The following AGGF1 variants were observed in gnomAD, a reference collection of about 807,000 sequenced individuals.
AGGF1 encodes angiogenic factor with G patch and FHA domains 1.
AGGF1 carries 56 observed loss-of-function variants against 86.5 expected under a neutral mutation model. The ratio of observed to expected loss-of-function variants is 0.65; its 90% CI spans 0.52 to 0.81. The LOEUF (loss-of-function observed/expected upper bound fraction) is 0.81. Ranked by LOEUF, AGGF1 falls within the 30% of genes least tolerant of loss-of-function variation. The pLI is 0.00. For synonymous variants in AGGF1, 313 were observed against 297.1 expected (o/e 1.05, Z -0.55); for missense variants, 816 against 850.9 (o/e 0.96, Z 0.51).
chr5:77,039,023 C>G (rs1174999642), intron 4 of AGGF1, among the ~76,000 whole-genome samples: 1 of 152,018 alleles, frequency 6.6e-6, no homozygotes, highest in Non-Finnish European at 1.5e-5. Context: ...ATTTTCTTCT[C>G]TAATTTTAAG....
chr5:77,033,779 G>A (rs534156921), intron 1 of AGGF1, among the ~76,000 whole-genome samples: 41 of 152,280 alleles, frequency 2.7e-4, no homozygotes, highest in African/African-American at 9.9e-4. Context: ...TATTGACTGA[G>A]GCAGCGTATT....
chr5:77,030,908 A>C lies in AGGF1; in HGVS notation c.142A>C (p.Lys48Gln). The C allele has an allele frequency of 6.2e-7, 1 of 1,613,394 alleles. No homozygotes were observed. Among genetic ancestry groups the C allele is most frequent in the Non-Finnish European group, 8.5e-7 (1 of 1,179,988 alleles). Residue 48 changes from lysine (K) to glutamine (Q), a missense_variant, in exon 1 of 14, where the codon AAG (lysine) becomes CAG (glutamine). Physicochemically the swap from Lys to Gln is moderately conservative, Grantham distance 53 (BLOSUM62 1). This residue lies in a region of AGGF1 where 240 missense variants were observed against 234.4 expected (regional missense o/e 1.02). Coordinates refer to ENST00000312916, the MANE Select transcript of AGGF1 (RefSeq NM_018046.5). ...SCKRQVREIE[K>Q]LLHHTERLYQ... is the part of the protein sequence containing the mutation. The stretch of plus-strand genomic sequence containing the variant: ...CAAGCGGCAGGTGCGGGAGATCGAG[A>C]AGCTGCTGCATCACACAGAACGGCT...
intron 5 of AGGF1, among the ~76,000 whole-genome samples, chr5:77,041,513 G>T (rs927302297): frequency 2.1e-5 from 3 of 145,786 alleles, no homozygotes; most frequent in Non-Finnish European, 4.5e-5. Context: ...GTTGCAGTGA[G>T]CCAGGATCGC....
chr5:77,051,104 T>A (rs528522113), intron 8 of AGGF1, among the ~76,000 whole-genome samples: 18 of 151,860 alleles, frequency 1.2e-4, no homozygotes, highest in African/African-American at 4.1e-4. Flanking sequence ...AAAAGAAAAT[T>A]TACAGAAGAG....
At chr5:77,032,360 G>A (rs971498859) in intron 1 of AGGF1, among the ~76,000 whole-genome samples, 3 of 150,808 alleles carry the variant, frequency 2.0e-5, no homozygotes, top group South Asian at 2.1e-4. Flanking sequence ...GAGGTCAGAA[G>A]ATCGAGACCA....
In AGGF1 at chr5:77,039,659, A is replaced by G. The variant is rs1747032067; in HGVS notation, c.810A>G (p.Lys270=). 1 of 1,612,566 alleles carries G rather than the reference A, an allele frequency of 6.2e-7. No homozygotes were observed. Among genetic ancestry groups the G allele is most frequent in the Admixed American group, 1.7e-5 (1 of 59,888 alleles). ...CGACTTCTAGCACAAAACAAAGTAAAGATAAAAAATTGAAGAAGAAAAGAA... is the reference window on the plus strand; with the variant it reads ...CGACTTCTAGCACAAAACAAAGTAAGGATAAAAAATTGAAGAAGAAAAGAA... The part of the protein sequence containing the change: ...PYPTSSTKQS[K]DKKLKKKRKD... Residue 270 remains lysine (K), a synonymous_variant, in exon 5 of 14, where the codon AAA becomes AAG. Coordinates refer to ENST00000312916, the MANE Select transcript of AGGF1 (RefSeq NM_018046.5).
chr5:77,039,651 C>A lies in AGGF1; in HGVS notation c.802C>A (p.Gln268Lys). The change falls in exon 5 of 14, where the codon CAA becomes AAA. Residue 268 changes from glutamine (Q) to lysine (K), a missense_variant. By Grantham distance (53) the Gln-to-Lys change is moderately conservative. Coordinates refer to ENST00000312916, the MANE Select transcript of AGGF1 (RefSeq NM_018046.5). ...LQPYPTSSTKQSKDKKLKKKR... is the reference protein window; with the variant it reads ...LQPYPTSSTKKSKDKKLKKKR... ...ACCTTATCCGACTTCTAGCACAAAA[C>A]AAAGTAAAGATAAAAAATTGAAGAA... is the stretch of plus-strand genomic sequence containing the variant. 6.2e-7 allele frequency: 1 copy of A among 1,611,990 alleles called. No homozygotes were observed. The highest frequency in any genetic ancestry group is 8.5e-7 in the Non-Finnish European group (1 of 1,179,280).
At position 77,039,602 on chromosome 5, in the gene AGGF1, GT is replaced by G; in HGVS notation, c.756del (p.His253IlefsTer4). 6.2e-7 allele frequency: 1 copy of G among 1,613,170 alleles called. No homozygotes were observed. The highest frequency in any genetic ancestry group is 8.5e-7 in the Non-Finnish European group (1 of 1,179,518). ...GTGATGTGGAAAGTGGTCGTTATCA[GT>G]TTCATTCTCGAGTAGATTTGCAACC... ...YCDVESGRYQ[F>X]HSRVDLQPYP... On this transcript the variant is annotated frameshift_variant, in exon 5 of 14. Coordinates refer to ENST00000312916, the MANE Select transcript of AGGF1 (RefSeq NM_018046.5). LOFTEE classifies it high-confidence loss of function.
intron 5 of AGGF1, among the ~76,000 whole-genome samples, chr5:77,042,575 C>A (rs1288840547): frequency 2.0e-5 from 1 of 49,374 alleles, no homozygotes; most frequent in Non-Finnish European, 4.5e-5. Flanking sequence ...GCTGGCCGGG[C>A]GGGGGGGCTG....
Position 77,035,623 on chromosome 5 carries a change from C to G in AGGF1, c.396C>G (p.Ile132Met), listed in dbSNP as rs200919215. 6 of 1,613,328 alleles carry G rather than the reference C, an allele frequency of 3.7e-6. No individual in the cohort carries two copies. The highest frequency in any genetic ancestry group is 1.3e-5 in the African/African-American group (1 of 74,842). ...TELSDQQDQA[I>M]ETSILNSKDH... ...TGTCAGATCAACAAGATCAAGCTAT[C>G]GAAACTTCTATTTTGAATTCTAAAG... Residue 132 changes from isoleucine to methionine, a missense_variant, in exon 3 of 14, where the codon ATC becomes ATG. Physicochemically the swap from Ile to Met is conservative, Grantham distance 10. Coordinates refer to ENST00000312916, the MANE Select transcript of AGGF1 (RefSeq NM_018046.5).
At chr5:77,041,355 T>G (rs1292318245) in intron 5 of AGGF1, among the ~76,000 whole-genome samples, 1 of 151,882 alleles carries the variant, frequency 6.6e-6, no homozygotes, top group African/African-American at 2.4e-5. Flanking sequence ...TTGCCTGAGG[T>G]CAGGAGTTCA....
intron 5 of AGGF1, among the ~76,000 whole-genome samples, chr5:77,046,024 T>A (rs1018552342): frequency 6.6e-6 from 1 of 152,242 alleles, no homozygotes; most frequent in African/African-American, 2.4e-5. Flanking sequence ...GATGAGGGCC[T>A]GAACTAGGAA....
At position 77,046,531 on chromosome 5, in the gene AGGF1, A is replaced by C; in HGVS notation, c.1055A>C (p.Asn352Thr). The change falls in exon 6 of 14, where the codon AAT becomes ACT. Residue 352 changes from asparagine to threonine, a missense_variant. By Grantham distance (65) the Asn-to-Thr change is moderately conservative. Around this residue, in one of 3 missense-constraint regions of AGGF1, gnomAD observed 565 missense variants for 585.8 expected, o/e 0.96. Coordinates refer to ENST00000312916, the MANE Select transcript of AGGF1 (RefSeq NM_018046.5). ...IESPLHENISNSTSFKDEKIM... is the reference protein window; with the variant it reads ...IESPLHENISTSTSFKDEKIM... ...TCTCCTCTTCATGAAAACATCTCTA[A>C]TTCAACATCATTTAAAGATGAGAAA... 1.2e-6 allele frequency: 2 copies of C among 1,613,966 alleles called. No homozygotes were observed. Among genetic ancestry groups the C allele is most frequent in the Non-Finnish European group, 1.7e-6 (2 of 1,179,924 alleles).
chr5:77,049,842 G>A (rs1029527239), intron 8 of AGGF1, among the ~76,000 whole-genome samples: 5 of 152,108 alleles, frequency 3.3e-5, no homozygotes, highest in Non-Finnish European at 4.4e-5. Context: ...GAGCCACCGC[G>A]TCTGGCTGAG....
chr5:77,033,623 C>G (rs1022055242), intron 1 of AGGF1, among the ~76,000 whole-genome samples: 7 of 152,304 alleles, frequency 4.6e-5, no homozygotes, highest in African/African-American at 1.7e-4. Context: ...AGTTCCTGCC[C>G]TAGTATTAGC....
intron 11 of AGGF1, among the ~76,000 whole-genome samples, chr5:77,057,718 C>G (rs943884223): frequency 1.3e-5 from 2 of 152,196 alleles, no homozygotes; most frequent in Non-Finnish European, 2.9e-5. Context: ...TGTGTGTGCC[C>G]TACTTGCACA....
chr5:77,046,792 T>A, intron 6 of AGGF1, 115 bp downstream of exon 6: 1 of 1,027,054 alleles, frequency 9.7e-7, no homozygotes. Context: ...AACATTATTT[T>A]AATGATGTTA....
At chr5:77,037,784 A>G (rs1429082898) in intron 4 of AGGF1, among the ~76,000 whole-genome samples, 1 of 152,228 alleles carries the variant, frequency 6.6e-6, no homozygotes, top group East Asian at 1.9e-4. Context: ...TCAAAAAACA[A>G]GCAAACAAAA....
Position 77,063,133 on chromosome 5 carries a change from A to G in AGGF1, c.2026A>G (p.Asn676Asp). The G allele has an allele frequency of 6.2e-7, 1 of 1,614,116 alleles. No homozygotes were observed. The highest frequency in any genetic ancestry group is 8.5e-7 in the Non-Finnish European group (1 of 1,180,008). The part of the protein sequence containing the change: ...SSFEDVHLLQ[N>D]KNKKNWDKAR... ...ATTTGAAGATGTTCACCTTCTCCAA[A>G]ACAAGAACAAAAAAAACTGGGACAA... The change falls in exon 14 of 14, where the codon AAC becomes GAC. Residue 676 changes from asparagine to aspartate, a missense_variant. Physicochemically the swap from Asn to Asp is conservative, Grantham distance 23 (BLOSUM62 1). Around this residue, in one of 3 missense-constraint regions of AGGF1, gnomAD observed 565 missense variants for 585.8 expected, o/e 0.96. Coordinates refer to ENST00000312916, the MANE Select transcript of AGGF1 (RefSeq NM_018046.5).
Sources: allele counts gnomAD v4.1 joint callset (sites outside exome capture counted in the v4.1 genomes callset), GRCh38; gene constraint gnomAD v4.1.1; regional missense constraint gnomAD v4.1.1; transcripts MANE v1.5; gene names NCBI Gene and HGNC (gene_info 2026-07-23, HGNC 2026-07-21).